LHFPL6: variants seen among roughly 807,000 people sequenced by gnomAD.
The protein encoded by LHFPL6 is LHFPL tetraspan subfamily member 6 protein.
In LHFPL6, 9 loss-of-function variants were observed where a neutral mutation model predicts 20.6. The ratio of observed to expected loss-of-function variants is 0.44; its 90% CI spans 0.26 to 0.76. The LOEUF is 0.76. Among genes scored for constraint, LHFPL6 ranks in the 30% least tolerant of loss-of-function variants. LHFPL6 has a pLI of 0.20. For synonymous variants in LHFPL6, 105 were observed against 98.7 expected (o/e 1.06, Z -0.38); for missense variants, 218 against 253.5 (o/e 0.86, Z 0.95).
At chr13:39,435,338 C>A (rs1871929926) in intron 2 of LHFPL6, among the ~76,000 whole-genome samples, 1 of 152,038 alleles carries the variant, frequency 6.6e-6, no homozygotes. Flanking sequence ...TGACAGTTGC[C>A]ATTGTTGCCA....
rs556904682 is a variant in LHFPL6 at position 39,595,191 on chromosome 13, T to C, written c.385+5641A>G. On this transcript the variant is annotated intron_variant, in intron 2 of 3. Coordinates refer to ENST00000379589, the MANE Select transcript of LHFPL6 (RefSeq NM_005780.3). ...CATATAAAATTTTGTGTTCTCTATA[T>C]TATAAAAGATTTATTAATTCCTCAA... Among the ~76,000 whole-genome samples, 3 of 152,318 alleles carry C rather than the reference T, an allele frequency of 2.0e-5. No individual in the cohort carries two copies. The South Asian group carries it at 6.2e-4, about 32-fold the overall frequency.
intron 2 of LHFPL6, among the ~76,000 whole-genome samples, chr13:39,463,650 C>G (rs1872736776): frequency 6.6e-6 from 1 of 151,990 alleles, no homozygotes; most frequent in Non-Finnish European, 1.5e-5. Context: ...TGAGAAAAGT[C>G]TGAATATTTC....
intron 2 of LHFPL6, among the ~76,000 whole-genome samples, chr13:39,421,514 C>G (rs1332645046): frequency 2.0e-5 from 3 of 152,146 alleles, no homozygotes. Context: ...GGATGACAGT[C>G]TACTGTTCCA....
At chr13:39,383,040 C>T (rs1337389544) in intron 2 of LHFPL6, among the ~76,000 whole-genome samples, 1 of 152,162 alleles carries the variant, frequency 6.6e-6, no homozygotes, top group East Asian at 1.9e-4. Context: ...CACTAACTTG[C>T]TACCACCGTA....
At chr13:39,562,695 C>CATATAT (rs146575323) in intron 2 of LHFPL6, among the ~76,000 whole-genome samples, 3 of 146,474 alleles carry the variant, frequency 2.0e-5, no homozygotes, top group African/African-American at 5.1e-5. Context: ...CACACACACA[C>CATATAT]ATATATATAT....
chr13:39,532,728 C>T (rs554895015), intron 2 of LHFPL6, among the ~76,000 whole-genome samples: 1 of 152,226 alleles, frequency 6.6e-6, no homozygotes, highest in African/African-American at 2.4e-5. Flanking sequence ...ATAATGCTGT[C>T]ATTCCAACTT....
At chr13:39,557,690 A>C (rs1593362259) in intron 2 of LHFPL6, among the ~76,000 whole-genome samples, 1 of 152,234 alleles carries the variant, frequency 6.6e-6, no homozygotes, top group East Asian at 1.9e-4. Context: ...TGCATATCTC[A>C]TGTTGAGATG....
At chr13:39,601,788 C>T (rs1872957165) in intron 1 of LHFPL6, among the ~76,000 whole-genome samples, 1 of 152,178 alleles carries the variant, frequency 6.6e-6, no homozygotes, top group Non-Finnish European at 1.5e-5. Context: ...AGTTCATGCT[C>T]ATAGTTTGTT....
At chr13:39,469,993 G>A (rs971482976) in intron 2 of LHFPL6, among the ~76,000 whole-genome samples, 10 of 152,164 alleles carry the variant, frequency 6.6e-5, no homozygotes, top group Admixed American at 4.6e-4. Flanking sequence ...AAAAGACGAA[G>A]ATGTGAAGGA....
At chr13:39,494,252 T>C (rs1869025653) in intron 2 of LHFPL6, among the ~76,000 whole-genome samples, 1 of 152,238 alleles carries the variant, frequency 6.6e-6, no homozygotes, top group Non-Finnish European at 1.5e-5. Flanking sequence ...TGCAGGACTA[T>C]TGCTAGTCGC....
chr13:39,390,540 T>C (rs1870681257), intron 2 of LHFPL6, among the ~76,000 whole-genome samples: 1 of 151,646 alleles, frequency 6.6e-6, no homozygotes, highest in African/African-American at 2.4e-5. Flanking sequence ...GATTTTACAA[T>C]GTAATAAAGA....
chr13:39,568,678 A>G (rs1028180030), intron 2 of LHFPL6, among the ~76,000 whole-genome samples: 1 of 152,238 alleles, frequency 6.6e-6, no homozygotes, highest in Non-Finnish European at 1.5e-5. Flanking sequence ...TGCATGATGC[A>G]TAACTCAAAA....
intron 2 of LHFPL6, among the ~76,000 whole-genome samples, chr13:39,579,395 T>G (rs1036191201): frequency 6.6e-6 from 1 of 152,216 alleles, no homozygotes; most frequent in African/African-American, 2.4e-5. Flanking sequence ...CAGCAGGACA[T>G]GACTCTTGTA....
intron 2 of LHFPL6, among the ~76,000 whole-genome samples, chr13:39,434,948 C>T (rs1342781534): frequency 1.4e-5 from 2 of 146,736 alleles, no homozygotes; most frequent in Non-Finnish European, 3.0e-5. Flanking sequence ...CCCAGCTACT[C>T]GGGAGGCTGA....
chr13:39,392,047 T>C (rs1338601310), intron 2 of LHFPL6, among the ~76,000 whole-genome samples: 1 of 152,262 alleles, frequency 6.6e-6, no homozygotes, highest in Non-Finnish European at 1.5e-5. Context: ...AAACAAGTTT[T>C]GAAAGTACTT....
chr13:39,480,649 A>G (rs146421584), intron 2 of LHFPL6, among the ~76,000 whole-genome samples: 7 of 152,286 alleles, frequency 4.6e-5, no homozygotes, highest in Non-Finnish European at 7.3e-5. Flanking sequence ...TTGGTCTAAG[A>G]GGCCACCCTT....
chr13:39,587,716 G>A (rs1872493738), intron 2 of LHFPL6, among the ~76,000 whole-genome samples: 3 of 152,036 alleles, frequency 2.0e-5, no homozygotes, highest in South Asian at 4.2e-4. Flanking sequence ...GGCCAAACAG[G>A]AGCTAAAGAG....
intron 2 of LHFPL6, among the ~76,000 whole-genome samples, chr13:39,398,428 T>C (rs186141814): frequency 1.3e-4 from 20 of 152,306 alleles, no homozygotes; most frequent in Admixed American, 9.8e-4. Flanking sequence ...GAAAGATGTA[T>C]TTCCAGAAAC....
intron 2 of LHFPL6, among the ~76,000 whole-genome samples, chr13:39,552,194 A>C (rs1478626119): frequency 1.3e-5 from 2 of 152,202 alleles, no homozygotes; most frequent in East Asian, 3.9e-4. Flanking sequence ...GCATACATGG[A>C]TAATCTAACC....
Sources: gnomAD v4.1 joint callset for allele counts (sites outside exome capture counted in the v4.1 genomes callset) on GRCh38, gnomAD v4.1.1 for gene constraint, MANE v1.5 for transcripts, NCBI Gene and HGNC (gene_info 2026-07-23, HGNC 2026-07-21) for gene names.